Variants in MAP3K20 observed in about 807,000 individuals in gnomAD.
MAP3K20 encodes HCCS-4.
A neutral mutation model predicts 85.7 loss-of-function variants in MAP3K20; 40 were observed. The ratio of observed to expected loss-of-function variants is 0.47; its 90% CI spans 0.36 to 0.61. The LOEUF is 0.61. Ranked by LOEUF, MAP3K20 falls within the 20% of genes least tolerant of loss-of-function variation. The probability of loss-of-function intolerance (pLI) is 0.00; values close to 1 mark genes in which losing one functional copy is unlikely to be tolerated. For missense variants in MAP3K20, 817 were observed against 961.7 expected, an observed-to-expected ratio of 0.85 and a Z score of 1.99; for synonymous variants, 325 against 327.7, an observed-to-expected ratio of 0.99 and a Z score of 0.09.
intron 3 of MAP3K20, among the ~76,000 whole-genome samples, chr2:173,172,820 G>A (rs1433060839): frequency 6.7e-6 from 1 of 148,374 alleles, no homozygotes; most frequent in African/African-American, 2.5e-5. Flanking sequence ...TTTTTTTTGA[G>A]ACGGAGTCTT....
chr2:173,203,035 G>A (rs771669213), intron 8 of MAP3K20, among the ~76,000 whole-genome samples: 28 of 152,096 alleles, frequency 1.8e-4, no homozygotes, highest in Non-Finnish European at 5.9e-5. Flanking sequence ...AAATTTTGTG[G>A]GATACAGGGG....
chr2:173,169,694 TG>T, intron 2 of MAP3K20, 110 bp from the exon 3 acceptor site: 2 of 1,035,842 alleles, frequency 1.9e-6, no homozygotes, highest in Non-Finnish European at 2.8e-6. Context: ...TACTCTAGCC[TG>T]GACAACACAG....
chr2:173,131,052 A>G (rs561614361), intron 2 of MAP3K20, among the ~76,000 whole-genome samples: 5 of 152,344 alleles, frequency 3.3e-5, no homozygotes, highest in African/African-American at 1.2e-4. Context: ...GCATTTGCAC[A>G]GTTTTTGTCT....
At chr2:173,238,324 C>T (rs759884756) in intron 14 of MAP3K20, 49 bp from the exon 15 acceptor site, 2 of 1,513,388 alleles carry the variant, frequency 1.3e-6, no homozygotes, top group Non-Finnish European at 1.8e-6. Flanking sequence ...TTTTAGTCTT[C>T]TCTTGGTATT....
chr2:173,110,430 A>AT (rs576195326), intron 2 of MAP3K20, among the ~76,000 whole-genome samples: 213 of 149,792 alleles, frequency 1.4e-3, no homozygotes, highest in African/African-American at 5.1e-3. Context: ...ATTAAAAAAA[A>AT]TTTTTTTCCA....
At position 173,079,530 on chromosome 2, in the gene MAP3K20, C is replaced by T. The variant is rs13423960; in HGVS notation, c.-35+3528C>T. 5.0e-3 allele frequency among the ~76,000 whole-genome samples: 767 copies of T among 151,968 alleles called. 12 individuals carry two copies. Among genetic ancestry groups the T allele is most frequent in the African/African-American group, 0.018 (737 of 41,440 alleles). On this transcript the variant is annotated intron_variant, in intron 1 of 19. Coordinates refer to ENST00000375213, the MANE Select transcript of MAP3K20 (RefSeq NM_016653.3). ...ACTTTCTTGTTTTATAAACTTTAAA[C>T]TTTTTTTTAACTTTTTGAGTCTTTT...
chr2:173,121,822 T>G (rs999474189), intron 2 of MAP3K20, among the ~76,000 whole-genome samples: 1 of 152,100 alleles, frequency 6.6e-6, no homozygotes, highest in Non-Finnish European at 1.5e-5. Context: ...GTTGGTAGAT[T>G]AGATACTCAG....
chr2:173,085,784 ATT>A (rs61431056), intron 1 of MAP3K20, among the ~76,000 whole-genome samples: 13 of 73,760 alleles, frequency 1.8e-4, no homozygotes, highest in Non-Finnish European at 2.6e-4. Context: ...TGTAAAAGCA[ATT>A]TTTTTTTTTT....
At chr2:173,078,264 T>C (rs1686920958) in intron 1 of MAP3K20, among the ~76,000 whole-genome samples, 1 of 152,248 alleles carries the variant, frequency 6.6e-6, no homozygotes, top group Non-Finnish European at 1.5e-5. Context: ...TGGAATAAGA[T>C]AGCCCTATGT....
intron 2 of MAP3K20, among the ~76,000 whole-genome samples, chr2:173,147,252 A>T (rs548804640): frequency 6.6e-6 from 1 of 152,146 alleles, no homozygotes; most frequent in East Asian, 1.9e-4. Flanking sequence ...TTGTTGTCAT[A>T]TCTAAGAGGG....
At chr2:173,144,462 C>CAAAAA (rs71018537) in intron 2 of MAP3K20, among the ~76,000 whole-genome samples, 156 of 92,848 alleles carry the variant, frequency 1.7e-3, no homozygotes, top group African/African-American at 2.2e-3. Context: ...GACTCCGTCT[C>CAAAAA]AAAAAAAAAA....
At chr2:173,224,208 C>A in intron 11 of MAP3K20, 1 of 968,954 alleles carries the variant, frequency 1.0e-6, no homozygotes, top group Non-Finnish European at 1.2e-6. Context: ...TCAGGAAAGG[C>A]CCCACTGATA....
At chr2:173,125,158 A>G (rs1334533210) in intron 2 of MAP3K20, among the ~76,000 whole-genome samples, 1 of 152,216 alleles carries the variant, frequency 6.6e-6, no homozygotes, top group Non-Finnish European at 1.5e-5. Flanking sequence ...CTGAGAAGGA[A>G]TGGGTATACC....
At chr2:173,075,690 C>T (rs573897456), upstream of MAP3K20, 1,372 of 961,772 alleles carry the variant, frequency 1.4e-3, no homozygotes, top group South Asian at 1.9e-3. Flanking sequence ...GGGGCCTCGG[C>T]GGGTGCCGGG....
intron 2 of MAP3K20, among the ~76,000 whole-genome samples, chr2:173,166,263 A>T (rs1003786003): frequency 6.6e-6 from 1 of 152,216 alleles, no homozygotes; most frequent in Non-Finnish European, 1.5e-5. Flanking sequence ...GCATATCCAA[A>T]CTTAATTCCT....
intron 10 of MAP3K20, chr2:173,210,890 C>A (rs192878836): frequency 1.3e-5 from 2 of 151,972 alleles, no homozygotes; most frequent in South Asian, 2.1e-4. Flanking sequence ...TTACAATAAC[C>A]TTATTTATTT....
At chr2:173,226,999 T>A in intron 11 of MAP3K20, 1 of 985,758 alleles carries the variant, frequency 1.0e-6, no homozygotes, top group Non-Finnish European at 1.2e-6. Context: ...AGTTACTGAT[T>A]TTATAGTTGG....
intron 11 of MAP3K20, chr2:173,227,140 C>G: frequency 1.6e-5 from 16 of 985,674 alleles, no homozygotes; most frequent in Non-Finnish European, 1.7e-5. Context: ...AACGTTTTGA[C>G]AGTAAATCCC....
At chr2:173,221,014 T>G in intron 11 of MAP3K20, 1 of 661,960 alleles carries the variant, frequency 1.5e-6, no homozygotes, top group Non-Finnish European at 2.2e-6. Flanking sequence ...AATTCTCACA[T>G]AATTCCCTAC....
Sources: gnomAD v4.1 joint callset for allele counts (sites outside exome capture counted in the v4.1 genomes callset) on GRCh38, gnomAD v4.1.1 for gene constraint, MANE v1.5 for transcripts, NCBI Gene and HGNC (gene_info 2026-07-23, HGNC 2026-07-21) for gene names.